Variants in SACS observed in about 807,000 individuals in gnomAD.
The protein encoded by SACS is sacsin molecular chaperone.
A neutral mutation model predicts 348.0 loss-of-function variants in SACS; 197 were observed. That is an observed-to-expected ratio of 0.57 (90% CI 0.50 to 0.64). The LOEUF (loss-of-function observed/expected upper bound fraction) is 0.64. Among genes scored for constraint, SACS ranks in the 30% least tolerant of loss-of-function variants. The pLI is 0.00. For synonymous variants in SACS, 1,985 were observed against 1,910.6 expected (o/e 1.04, Z -1.02); for missense variants, 4,999 against 5,360.8 (o/e 0.93, Z 2.11).
intron 3 of SACS, among the ~76,000 whole-genome samples, chr13:23,374,733 A>G (rs560311279): frequency 3.3e-4 from 51 of 152,324 alleles, no homozygotes; most frequent in African/African-American, 1.2e-3. Context: ...AAAAATGGAG[A>G]AAAAACTTCC....
rs753140531 is a variant in SACS, at chr13:23,337,102, T to C, written c.6774A>G (p.Gln2258=). The change falls in exon 10 of 10, where the codon CAA becomes CAG. Residue 2258 remains glutamine, a synonymous_variant. Transcript: ENST00000382292. The part of the protein sequence containing the change: ...AEHQDIVCLL[Q]PILNENSHSF... ...AATGGGAATTTTCATTTAGAATTGGTTGCAAAAGACAAACTATATCTTGAT... is the reference window on the plus strand; with the variant it reads ...AATGGGAATTTTCATTTAGAATTGGCTGCAAAAGACAAACTATATCTTGAT... 2.3e-5 allele frequency: 37 copies of C among 1,614,028 alleles called. No individual in the cohort carries two copies. The highest frequency in any genetic ancestry group is 3.1e-5 in the Non-Finnish European group (37 of 1,179,920).
intron 4 of SACS, among the ~76,000 whole-genome samples, chr13:23,368,848 A>G (rs561226143): frequency 1.3e-4 from 20 of 151,962 alleles, no homozygotes; most frequent in East Asian, 7.7e-4. Flanking sequence ...ACAGGTGCCC[A>G]CCACCATGCC....
intron 6 of SACS, among the ~76,000 whole-genome samples, chr13:23,358,698 C>A (rs1322326150): frequency 1.3e-5 from 2 of 151,890 alleles, no homozygotes; most frequent in Non-Finnish European, 2.9e-5. Context: ...CTATTGTTGG[C>A]CAAAAATCCA....
In SACS at chr13:23,355,690, G is replaced by T; in HGVS notation, c.922C>A (p.Leu308Ile). The T allele has an allele frequency of 6.2e-7, 1 of 1,614,152 alleles. No individual in the cohort carries two copies. The highest frequency in any genetic ancestry group is 8.5e-7 in the Non-Finnish European group (1 of 1,180,038). Reference sequence around the variant, plus strand: ...ACATCCTGCACACTTTTCAGAAAGAGCAGCACTGTGTCTGCATCTGCCCTA... The same window carrying T: ...ACATCCTGCACACTTTTCAGAAAGATCAGCACTGTGTCTGCATCTGCCCTA... The part of the protein sequence containing the change: ...SFRADADTVL[L>I]FLKSVQDVSL... Residue 308 changes from leucine (L) to isoleucine (I), a missense_variant, in exon 8 of 10, where the codon CTC (leucine) becomes ATC (isoleucine). Leu to Ile is a conservative substitution (Grantham distance 5). This residue lies in a region of SACS where 3,156 missense variants were observed against 3,380.1 expected (regional missense o/e 0.93). Transcript: ENST00000382292.
rs1162459863 is a variant in SACS at position 23,368,449 on chromosome 13, G to C, written c.298C>G (p.Leu100Val). ...GGATATCTTCTCAAAATGTCCTTGA[G>C]AAAATCAACAAGTGGTGGCGTTGTC... ...GQTTPPLVDF[L>V]KDILRRYPEG... Residue 100 changes from leucine to valine, a missense_variant, in exon 5 of 10, where the codon CTC becomes GTC. Around this residue, in one of 6 missense-constraint regions of SACS, gnomAD observed 3,156 missense variants for 3,380.1 expected, o/e 0.93. Coordinates refer to ENST00000382292, the MANE Select transcript of SACS (RefSeq NM_014363.6). 1.2e-6 allele frequency: 2 copies of C among 1,613,050 alleles called. No homozygotes were observed. Among genetic ancestry groups the C allele is most frequent in the Non-Finnish European group, 1.7e-6 (2 of 1,179,612 alleles).
intron 6 of SACS, among the ~76,000 whole-genome samples, chr13:23,360,643 T>C (rs572869060): frequency 6.6e-6 from 1 of 152,222 alleles, no homozygotes; most frequent in Admixed American, 6.5e-5. Context: ...TGCCTGCTTA[T>C]AGGAAGCATT....
intron 2 of SACS, among the ~76,000 whole-genome samples, chr13:23,405,984 TC>T (rs1254007736): frequency 6.6e-6 from 1 of 152,100 alleles, no homozygotes; most frequent in Non-Finnish European, 1.5e-5. Context: ...GTGTGGCGAT[TC>T]CTCACTGTCC....
At chr13:23,360,673 A>T (rs1017979770) in intron 6 of SACS, among the ~76,000 whole-genome samples, 4 of 151,956 alleles carry the variant, frequency 2.6e-5, no homozygotes, top group African/African-American at 9.7e-5. Flanking sequence ...CCAAAATCAT[A>T]GCCCTTCTCT....
chr13:23,363,973 T>C (rs1177279322), intron 6 of SACS, among the ~76,000 whole-genome samples: 1 of 152,132 alleles, frequency 6.6e-6, no homozygotes, highest in African/African-American at 2.4e-5. Context: ...AGGCTAATCC[T>C]CTTATTATAA....
At position 23,368,395 on chromosome 13, in the gene SACS, G is replaced by GC. The variant is rs1290972753; in HGVS notation, c.345+6dup. The GC allele has an allele frequency of 1.3e-6, 2 of 1,594,008 alleles. No homozygotes were observed. The highest frequency in any genetic ancestry group is 2.7e-5 in the African/African-American group (2 of 74,612). ...TAAATAACACATGAACACGACATGT[G>GC]CCCCACCTTAAGAATCTGTCCTCCT... On this transcript the variant is annotated splice_region_variant and intron_variant, in intron 5 of 9. Coordinates refer to ENST00000382292, the MANE Select transcript of SACS (RefSeq NM_014363.6).
At position 23,337,870 on chromosome 13, in the gene SACS, T is replaced by C. The variant is rs920395434; in HGVS notation, c.6006A>G (p.Arg2002=). 1.8e-5 allele frequency: 29 copies of C among 1,613,806 alleles called. No individual in the cohort carries two copies. The highest frequency in any genetic ancestry group is 2.3e-5 in the Non-Finnish European group (27 of 1,179,962). ...TCTTGAAGGCTGCTGAACCAACATC[T>C]CTTCTTTTAAGTATAGAGTCATCTA... ...RFLDDSILKR[R]DVGSAAFKIF... The change falls in exon 10 of 10, where the codon AGA becomes AGG. Residue 2002 remains arginine, a synonymous_variant. Coordinates refer to ENST00000382292, the MANE Select transcript of SACS (RefSeq NM_014363.6).
At chr13:23,407,673 C>T (rs796291926) in intron 2 of SACS, among the ~76,000 whole-genome samples, 16 of 152,264 alleles carry the variant, frequency 1.1e-4, no homozygotes, top group African/African-American at 1.9e-4. Flanking sequence ...TCATGAACAA[C>T]AGGGGGAACT....
At position 23,331,971 on chromosome 13, in the gene SACS, G is replaced by C. The variant is rs780296313; in HGVS notation, c.11905C>G (p.Leu3969Val). Residue 3969 changes from leucine to valine, a missense_variant, in exon 10 of 10, where the codon CTT (leucine) becomes GTT (valine). Around this residue, in one of 6 missense-constraint regions of SACS, gnomAD observed 831 missense variants for 941.8 expected, o/e 0.88. Coordinates refer to ENST00000382292, the MANE Select transcript of SACS (RefSeq NM_014363.6). ...TKLIMLFPQK[L>V]RPRLLSSILE... ...ATACTGCTCAATAATCGAGGTCTAAGTTTTTGAGGAAAGAGCATTATCAAC... is the reference window on the plus strand; with the variant it reads ...ATACTGCTCAATAATCGAGGTCTAACTTTTTGAGGAAAGAGCATTATCAAC... 4 of 1,614,070 alleles carry C rather than the reference G, an allele frequency of 2.5e-6. No individual in the cohort carries two copies. The highest frequency in any genetic ancestry group is 3.4e-6 in the Non-Finnish European group (4 of 1,179,960).
At chr13:23,413,356 C>A (rs1396459733) in intron 1 of SACS, among the ~76,000 whole-genome samples, 2 of 152,192 alleles carry the variant, frequency 1.3e-5, no homozygotes, top group African/African-American at 4.8e-5. Flanking sequence ...TAAAATACTT[C>A]ATAATTTTCA....
chr13:23,395,526 C>T (rs886237758), intron 2 of SACS, among the ~76,000 whole-genome samples: 5 of 152,134 alleles, frequency 3.3e-5, no homozygotes, highest in African/African-American at 1.2e-4. Context: ...ACCCCTACTT[C>T]TCCACCATCC....
At chr13:23,373,805 A>AAT in intron 3 of SACS, 1 of 152,960 alleles carries the variant, frequency 6.5e-6, no homozygotes, top group Non-Finnish European at 1.5e-5. Flanking sequence ...CACAAAAAAA[A>AAT]AAAAAAAAAA....
In SACS at chr13:23,355,364, A is replaced by C; in HGVS notation, c.1248T>G (p.Phe416Leu). 6.2e-7 allele frequency: 1 copy of C among 1,614,118 alleles called. No homozygotes were observed. The highest frequency in any genetic ancestry group is 8.5e-7 in the Non-Finnish European group (1 of 1,180,028). ...KLDSLADELKFVPIIGIAMPL... is the reference protein window; with the variant it reads ...KLDSLADELKLVPIIGIAMPL... Reference sequence around the variant, plus strand: ...GCATGGCTATTCCAATGATTGGGACAAATTTCAGTTCATCAGCTAAAGAGT... The same window carrying C: ...GCATGGCTATTCCAATGATTGGGACCAATTTCAGTTCATCAGCTAAAGAGT... The change falls in exon 8 of 10, where the codon TTT becomes TTG. Residue 416 changes from phenylalanine to leucine, a missense_variant. Phe to Leu is a conservative substitution (Grantham distance 22). Transcript: ENST00000382292.
Position 23,334,428 on chromosome 13 carries a change from CT to C in SACS, c.9447del (p.Val3150LeufsTer25), listed in dbSNP as rs1555250653. The C allele has an allele frequency of 6.2e-7, 1 of 1,612,728 alleles. No individual in the cohort carries two copies. Among genetic ancestry groups the C allele is most frequent in the Non-Finnish European group, 8.5e-7 (1 of 1,179,760 alleles). On this transcript the variant is annotated frameshift_variant, in exon 10 of 10. Transcript: ENST00000382292. LOFTEE classifies it high-confidence loss of function. ...GTGATGAGAAGGGGCAATCCCTCAA[CT>C]TCAATCTCATTTTCTTCTGCATCTT... is the stretch of plus-strand genomic sequence containing the variant. ...CFKDAEENEI[E>X]VEGLPLLITL...
In SACS at chr13:23,411,381, C is replaced by T; in HGVS notation, c.-142G>A. The stretch of plus-strand genomic sequence containing the variant: ...CCAGGTGGAAAAAAAGCCTGTTTTT[C>T]CCTTCAGTGTCCATTCATCATCTGA... On this transcript the variant is annotated 5_prime_UTR_variant, in exon 2 of 10. Coordinates refer to ENST00000382292, the MANE Select transcript of SACS (RefSeq NM_014363.6). 1.3e-6 allele frequency: 1 copy of T among 752,632 alleles called. No individual in the cohort carries two copies. Among genetic ancestry groups the T allele is most frequent in the Non-Finnish European group, 2.4e-6 (1 of 423,726 alleles). 46.6% of individuals were successfully genotyped at this position (752,632 alleles called of 1,614,324 possible). A position where few individuals can be genotyped will look rare whatever the true frequency, so the allele number is the denominator to read the frequency against.
Sources: allele counts gnomAD v4.1 joint callset (sites outside exome capture counted in the v4.1 genomes callset), GRCh38; gene constraint gnomAD v4.1.1; regional missense constraint gnomAD v4.1.1; transcripts MANE v1.5; gene names NCBI Gene and HGNC (gene_info 2026-07-23, HGNC 2026-07-21).